Variants in PTPRG observed in about 807,000 individuals in gnomAD.
PTPRG encodes the protein receptor-type tyrosine-protein phosphatase gamma.
PTPRG carries 102 observed loss-of-function variants against 165.3 expected under a neutral mutation model. The observed-to-expected ratio is 0.62, with a 90% CI of 0.53 to 0.73. The LOEUF (loss-of-function observed/expected upper bound fraction) is 0.73. PTPRG is among the 30% of genes least tolerant of loss of function. PTPRG has a pLI of 0.00. For missense variants in PTPRG, 1,866 were observed against 1,861.4 expected (o/e 1.00, Z -0.05); for synonymous variants, 675 against 669.5 (o/e 1.01, Z -0.13).
At chr3:61,926,673 G>T (rs2039221724) in intron 2 of PTPRG, among the ~76,000 whole-genome samples, 1 of 131,760 alleles carries the variant, frequency 7.6e-6, no homozygotes, top group Admixed American at 9.1e-5. Flanking sequence ...ATCAGTGCAA[G>T]AACAGATTAA....
chr3:61,584,856 C>T (rs1231059074), intron 1 of PTPRG, among the ~76,000 whole-genome samples: 1 of 152,172 alleles, frequency 6.6e-6, no homozygotes, highest in African/African-American at 2.4e-5. Context: ...TCAGCAAGAT[C>T]GCCAGGTGAC....
intron 10 of PTPRG, among the ~76,000 whole-genome samples, chr3:62,199,266 C>A (rs1381562060): frequency 6.6e-6 from 1 of 151,676 alleles, no homozygotes; most frequent in Non-Finnish European, 1.5e-5. Flanking sequence ...TCTTTGCTAC[C>A]TTATTTGACC....
chr3:62,283,139 G>A lies in PTPRG; in HGVS notation c.4055+270G>A, dbSNP rs150006288. 1.8e-4 allele frequency among the ~76,000 whole-genome samples: 27 copies of A among 152,194 alleles called. No homozygotes were observed. In the East Asian group the frequency reaches 4.4e-3, roughly 25 times the overall value. ...TATCTTAGCCTACAGAGGTAGATCT[G>A]CATGCATTTAGAGGTGTTATGTGTT... On this transcript the variant is annotated intron_variant, in intron 28 of 29. Coordinates refer to ENST00000474889, the MANE Select transcript of PTPRG (RefSeq NM_002841.4).
intron 2 of PTPRG, among the ~76,000 whole-genome samples, chr3:61,956,513 G>T (rs377045672): frequency 6.6e-6 from 1 of 152,228 alleles, no homozygotes; most frequent in South Asian, 2.1e-4. Flanking sequence ...AGTTTAAAGA[G>T]ATCCAGGAAG....
At chr3:61,657,892 T>G (rs1365473850) in intron 1 of PTPRG, among the ~76,000 whole-genome samples, 1 of 152,188 alleles carries the variant, frequency 6.6e-6, no homozygotes, top group Non-Finnish European at 1.5e-5. Flanking sequence ...CTTTGTACTT[T>G]GCTTGTTAAA....
intron 1 of PTPRG, among the ~76,000 whole-genome samples, chr3:61,646,921 C>A (rs1197804565): frequency 6.6e-6 from 1 of 152,178 alleles, no homozygotes; most frequent in Non-Finnish European, 1.5e-5. Flanking sequence ...GTGTAGCTCC[C>A]CAGACCCATC....
At chr3:61,833,322 G>T (rs552026262) in intron 2 of PTPRG, among the ~76,000 whole-genome samples, 4 of 152,148 alleles carry the variant, frequency 2.6e-5, no homozygotes, top group Non-Finnish European at 5.9e-5. Flanking sequence ...CAGTGTGCAT[G>T]TGCTTGATAT....
intron 2 of PTPRG, among the ~76,000 whole-genome samples, chr3:61,812,303 C>T (rs1476908276): frequency 6.6e-6 from 1 of 151,960 alleles, no homozygotes; most frequent in African/African-American, 2.4e-5. Flanking sequence ...TTCATTCATT[C>T]ATTCATTTTG....
At chr3:61,591,818 C>G (rs949481988) in intron 1 of PTPRG, among the ~76,000 whole-genome samples, 1 of 152,078 alleles carries the variant, frequency 6.6e-6, no homozygotes, top group African/African-American at 2.4e-5. Context: ...TAGATAGATA[C>G]GGTGCGATTC....
At chr3:61,590,149 A>T (rs911989412) in intron 1 of PTPRG, among the ~76,000 whole-genome samples, 1 of 151,482 alleles carries the variant, frequency 6.6e-6, no homozygotes, top group Non-Finnish European at 1.5e-5. Context: ...TCAGAATGAG[A>T]TGGATGGGCC....
At chr3:62,174,956 A>C (rs543581619) in intron 8 of PTPRG, among the ~76,000 whole-genome samples, 1 of 152,250 alleles carries the variant, frequency 6.6e-6, no homozygotes, top group Admixed American at 6.5e-5. Context: ...AATAACTTTG[A>C]TTTGTCATTC....
chr3:61,795,539 C>T (rs1480913762), intron 2 of PTPRG, among the ~76,000 whole-genome samples: 2 of 147,466 alleles, frequency 1.4e-5, no homozygotes, highest in Non-Finnish European at 3.0e-5. Context: ...ATTGAGGAGG[C>T]CGAGACAGGA....
At chr3:61,965,209 A>G (rs750257918) in intron 2 of PTPRG, among the ~76,000 whole-genome samples, 5 of 147,380 alleles carry the variant, frequency 3.4e-5, no homozygotes, top group Admixed American at 6.9e-5. Context: ...GCGCCATTGC[A>G]CTCCAGCTTG....
chr3:62,152,112 T>C (rs1704357959), intron 6 of PTPRG, among the ~76,000 whole-genome samples: 1 of 152,138 alleles, frequency 6.6e-6, no homozygotes, highest in Admixed American at 6.5e-5. Context: ...ACAGCTGTAA[T>C]TGCAGCACTT....
intron 19 of PTPRG, 61 bp downstream of exon 19, chr3:62,267,880 G>C (rs1022056601): frequency 6.4e-7 from 1 of 1,571,648 alleles, no homozygotes; most frequent in African/African-American, 1.4e-5. Flanking sequence ...TACTTGTGGA[G>C]TACCTGCTTT....
intron 13 of PTPRG, among the ~76,000 whole-genome samples, chr3:62,230,999 A>C (rs1040470617): frequency 2.0e-5 from 3 of 152,194 alleles, no homozygotes; most frequent in African/African-American, 7.2e-5. Context: ...TGTAAAGATG[A>C]CTTAAAAGAG....
At chr3:61,869,728 G>A (rs1006188602) in intron 2 of PTPRG, among the ~76,000 whole-genome samples, 7 of 151,516 alleles carry the variant, frequency 4.6e-5, no homozygotes, top group Admixed American at 1.3e-4. Flanking sequence ...GTAGGTGCAC[G>A]CCACCCTGCC....
chr3:62,255,089 C>T lies in PTPRG; in HGVS notation c.2468-35C>T. The T allele has an allele frequency of 6.4e-7, 1 of 1,552,712 alleles. No individual in the cohort carries two copies. Among genetic ancestry groups the T allele is most frequent in the South Asian group, 1.1e-5 (1 of 86,990 alleles). On this transcript the variant is annotated intron_variant, in intron 15 of 29. Transcript: ENST00000474889. This position sits in a 1 kb window ranked among gnomAD's most constrained non-coding sequence, Gnocchi z 4.0. ...GTGTAATTTGTTTTATGGAAGTATT[C>T]TATGTAACTTTGAATATTATTTTAT...
At chr3:61,615,701 T>C (rs1701279725) in intron 1 of PTPRG, among the ~76,000 whole-genome samples, 1 of 152,196 alleles carries the variant, frequency 6.6e-6, no homozygotes, top group Non-Finnish European at 1.5e-5. Flanking sequence ...TTTATTTGGG[T>C]TATAGTCTGT....
Sources: gnomAD v4.1 joint callset for allele counts (sites outside exome capture counted in the v4.1 genomes callset) on GRCh38, gnomAD v4.1.1 for gene constraint, Gnocchi (gnomAD v3.1) non-coding constraint, MANE v1.5 for transcripts, NCBI Gene and HGNC (gene_info 2026-07-23, HGNC 2026-07-21) for gene names.